Variants in PCSK5 observed in about 807,000 individuals in gnomAD.
PCSK5 encodes prohormone convertase 5.
PCSK5 carries 129 observed loss-of-function variants against 233.2 expected under a neutral mutation model. The ratio of observed to expected loss-of-function variants is 0.55; its 90% confidence interval spans 0.48 to 0.64. The LOEUF is 0.64. PCSK5 is among the 30% of genes least tolerant of loss of function. The pLI is 0.00. For missense variants in PCSK5, 2,076 were observed against 2,430.1 expected (o/e 0.85, Z 3.06); for synonymous variants, 825 against 879.2 (o/e 0.94, Z 1.09).
At chr9:75,926,435 A>C (rs1164342144) in intron 1 of PCSK5, among the ~76,000 whole-genome samples, 1 of 152,222 alleles carries the variant, frequency 6.6e-6, no homozygotes, top group African/African-American at 2.4e-5. Flanking sequence ...ATGTTAAGTC[A>C]TCAACCTGCT....
At chr9:76,187,476 C>T (rs1305003462) in intron 17 of PCSK5, among the ~76,000 whole-genome samples, 1 of 152,090 alleles carries the variant, frequency 6.6e-6, no homozygotes, top group Non-Finnish European at 1.5e-5. Context: ...ATCCTCTGGC[C>T]TCAGCCTCCC....
intron 5 of PCSK5, among the ~76,000 whole-genome samples, chr9:76,038,465 T>G (rs1828958716): frequency 6.6e-6 from 1 of 152,204 alleles, no homozygotes; most frequent in Admixed American, 6.5e-5. Context: ...GTCATACTCT[T>G]TCATAAAATT....
chr9:76,296,614 C>A, intron 26 of PCSK5, 51 bp from the exon 27 acceptor site: 1 of 1,278,898 alleles, frequency 7.8e-7, no homozygotes, highest in Non-Finnish European at 1.1e-6. Flanking sequence ...AGAACTTGGC[C>A]TTGCAAAGAT....
intron 3 of PCSK5, among the ~76,000 whole-genome samples, chr9:76,007,718 C>T (rs1227880598): frequency 2.6e-5 from 4 of 151,322 alleles, no homozygotes; most frequent in African/African-American, 4.9e-5. Flanking sequence ...CTTTGACCTC[C>T]TGGGTTCAAG....
At position 76,190,582 on chromosome 9, in the gene PCSK5, CAT is replaced by C. The variant is rs373782795; in HGVS notation, c.2626+837_2626+838del. On this transcript the variant is annotated intron_variant, in intron 20 of 37. Transcript: ENST00000674117. ...TTTTAATAGCAGCATAAAATTCAATCATGTGAAGATTCTATAGTTTTTAGCCA... is the reference window on the plus strand; with the variant it reads ...TTTTAATAGCAGCATAAAATTCAATCGTGAAGATTCTATAGTTTTTAGCCA... Among the ~76,000 whole-genome samples the C allele has an allele frequency of 5.6e-3, 567 of 101,986 alleles. 9 individuals carry two copies. Among genetic ancestry groups the C allele is most frequent in the African/African-American group, 0.017 (525 of 31,014 alleles). The allele number at this position is 101,986 out of a possible 152,430, so 66.9% of individuals were successfully genotyped here.
intron 10 of PCSK5, among the ~76,000 whole-genome samples, chr9:76,145,531 C>T (rs1023727401): frequency 3.3e-5 from 5 of 152,168 alleles, no homozygotes; most frequent in Admixed American, 1.3e-4. Flanking sequence ...AAGGAATAAA[C>T]TGTGATTGAG....
chr9:76,009,048 T>G (rs1827604418), intron 3 of PCSK5, among the ~76,000 whole-genome samples: 1 of 152,204 alleles, frequency 6.6e-6, no homozygotes, highest in African/African-American at 2.4e-5. Flanking sequence ...GTATTTTATC[T>G]AGCAGCTCTA....
At chr9:75,900,134 G>A (rs1032344273) in intron 1 of PCSK5, among the ~76,000 whole-genome samples, 1 of 152,098 alleles carries the variant, frequency 6.6e-6, no homozygotes, top group Admixed American at 6.5e-5. Context: ...TCTCTTTCTT[G>A]CCAATGTGCT....
At chr9:76,187,094 TTTC>T (rs752920077) in intron 17 of PCSK5, among the ~76,000 whole-genome samples, 80 of 152,302 alleles carry the variant, frequency 5.3e-4, no homozygotes, top group Non-Finnish European at 8.5e-4. Context: ...GGGTTTCTTT[TTTC>T]TTCAACTTTG....
intron 10 of PCSK5, among the ~76,000 whole-genome samples, chr9:76,145,318 T>C (rs963999189): frequency 1.3e-5 from 2 of 152,196 alleles, no homozygotes; most frequent in East Asian, 3.8e-4. Flanking sequence ...AAATGTATGA[T>C]TCTTTCATTT....
chr9:76,209,495 AG>A (rs770634751), intron 20 of PCSK5: 2 of 511,954 alleles, frequency 3.9e-6, no homozygotes, highest in African/African-American at 3.9e-5. Context: ...TGCCTGGAAT[AG>A]TACCTGACAT....
chr9:76,229,800 G>A (rs556336978), intron 21 of PCSK5, among the ~76,000 whole-genome samples: 1 of 152,308 alleles, frequency 6.6e-6, no homozygotes, highest in East Asian at 1.9e-4. Flanking sequence ...CCAGTGTTAA[G>A]ATCATCTCTG....
At chr9:75,965,332 G>T (rs1433014328) in intron 2 of PCSK5, among the ~76,000 whole-genome samples, 2 of 115,570 alleles carry the variant, frequency 1.7e-5, no homozygotes, top group Admixed American at 2.0e-4. Flanking sequence ...ATGAGGAGTG[G>T]ATTCACTTGA....
intron 24 of PCSK5, among the ~76,000 whole-genome samples, chr9:76,259,643 G>A (rs540009607): frequency 6.6e-6 from 1 of 152,258 alleles, no homozygotes; most frequent in Admixed American, 6.5e-5. Context: ...TCTATTTACT[G>A]TTGTTTCATC....
intron 1 of PCSK5, among the ~76,000 whole-genome samples, chr9:75,902,214 TA>T (rs200579439): frequency 7.0e-3 from 370 of 53,218 alleles, no homozygotes; most frequent in African/African-American, 0.018. Flanking sequence ...AGACACCATC[TA>T]AAAAAAAAAA....
intron 9 of PCSK5, among the ~76,000 whole-genome samples, chr9:76,107,734 C>T (rs1448327913): frequency 6.6e-6 from 1 of 152,132 alleles, no homozygotes; most frequent in East Asian, 1.9e-4. Flanking sequence ...TAGGCAGCTC[C>T]GATTCCACGA....
chr9:76,271,219 G>GA (rs925494594), intron 24 of PCSK5, among the ~76,000 whole-genome samples: 15 of 151,984 alleles, frequency 9.9e-5, no homozygotes, highest in African/African-American at 1.4e-4. Context: ...AGATTATACA[G>GA]AAAAAAAATC....
intron 24 of PCSK5, among the ~76,000 whole-genome samples, chr9:76,263,346 C>T (rs764237435): frequency 6.6e-6 from 1 of 152,112 alleles, no homozygotes; most frequent in Non-Finnish European, 1.5e-5. Context: ...TATTGCGGCT[C>T]TATTCACAAT....
intron 20 of PCSK5, among the ~76,000 whole-genome samples, chr9:76,220,223 T>G (rs1325106473): frequency 6.6e-6 from 1 of 152,172 alleles, no homozygotes; most frequent in Non-Finnish European, 1.5e-5. Flanking sequence ...TTTGTTTAAC[T>G]GCAGACAATA....
Sources: allele counts gnomAD v4.1 joint callset (sites outside exome capture counted in the v4.1 genomes callset), GRCh38; gene constraint gnomAD v4.1.1; transcripts MANE v1.5; gene names NCBI Gene and HGNC (gene_info 2026-07-23, HGNC 2026-07-21).